Variants in NKAIN2 observed in about 807,000 individuals in gnomAD.
The protein encoded by NKAIN2 is sodium/potassium transporting ATPase interacting 2.
In NKAIN2, 14 loss-of-function variants were observed where a neutral mutation model predicts 32.6. The ratio of observed to expected loss-of-function variants is 0.43; its 90% CI spans 0.28 to 0.67. The LOEUF (loss-of-function observed/expected upper bound fraction) is 0.67, where lower values mean the gene tolerates loss of function less well. NKAIN2 is among the 30% of genes least tolerant of loss of function. The pLI is 0.17. For synonymous variants in NKAIN2, 80 were observed against 87.2 expected (o/e 0.92, Z 0.46); for missense variants, 198 against 258.3 (o/e 0.77, Z 1.60).
At chr6:123,988,565 A>C (rs1477580092) in intron 1 of NKAIN2, among the ~76,000 whole-genome samples, 1 of 152,184 alleles carries the variant, frequency 6.6e-6, no homozygotes, top group Non-Finnish European at 1.5e-5. Context: ...ACTACTCAGC[A>C]CTTGCTTCTG....
chr6:123,858,524 G>A (rs1775652773), intron 1 of NKAIN2, among the ~76,000 whole-genome samples: 1 of 152,128 alleles, frequency 6.6e-6, no homozygotes, highest in South Asian at 2.1e-4. Flanking sequence ...TACATTTAAG[G>A]GACAGGATAA....
chr6:123,940,302 TTGTGTGTG>T (rs75849088), intron 1 of NKAIN2, among the ~76,000 whole-genome samples: 1 of 149,572 alleles, frequency 6.7e-6, no homozygotes, highest in Non-Finnish European at 1.5e-5. Flanking sequence ...TGTGTTTGGT[TTGTGTGTG>T]TGTGTGTGTG....
intron 2 of NKAIN2, among the ~76,000 whole-genome samples, chr6:124,354,934 G>A (rs555684755): frequency 6.6e-6 from 1 of 151,294 alleles, no homozygotes; most frequent in African/African-American, 2.4e-5. Flanking sequence ...GCTGGGTGTG[G>A]TGGTGCGCAC....
chr6:124,809,423 T>C (rs1780767885), intron 5 of NKAIN2, among the ~76,000 whole-genome samples: 1 of 147,056 alleles, frequency 6.8e-6, no homozygotes, highest in Non-Finnish European at 1.5e-5. Context: ...GAAAACTGGC[T>C]AGCCATATGT....
intron 3 of NKAIN2, among the ~76,000 whole-genome samples, chr6:124,574,675 C>A (rs1054085789): frequency 6.6e-6 from 1 of 152,038 alleles, no homozygotes; most frequent in Non-Finnish European, 1.5e-5. Flanking sequence ...GTGAAAATGG[C>A]AAATCTATGG....
intron 3 of NKAIN2, among the ~76,000 whole-genome samples, chr6:124,436,520 C>T (rs1775451039): frequency 1.3e-5 from 2 of 152,092 alleles, no homozygotes; most frequent in South Asian, 2.1e-4. Flanking sequence ...TATATGAATG[C>T]TTTGAGAACA....
At chr6:123,861,672 A>G (rs1305855080) in intron 1 of NKAIN2, among the ~76,000 whole-genome samples, 1 of 152,206 alleles carries the variant, frequency 6.6e-6, no homozygotes, top group Non-Finnish European at 1.5e-5. Context: ...TCATGTAGTT[A>G]GATAATTCAT....
At chr6:124,137,649 C>T (rs886224120) in intron 1 of NKAIN2, among the ~76,000 whole-genome samples, 5 of 151,770 alleles carry the variant, frequency 3.3e-5, no homozygotes, top group African/African-American at 1.2e-4. Context: ...AGCATGTTAC[C>T]AATAAAAAGA....
intron 2 of NKAIN2, among the ~76,000 whole-genome samples, chr6:124,288,289 T>C (rs1795653308): frequency 6.6e-6 from 1 of 152,208 alleles, no homozygotes; most frequent in South Asian, 2.1e-4. Context: ...ACCACCACAG[T>C]GAACTGCCTC....
chr6:124,059,104 A>T (rs1407204467), intron 1 of NKAIN2, among the ~76,000 whole-genome samples: 1 of 152,070 alleles, frequency 6.6e-6, no homozygotes, highest in African/African-American at 2.4e-5. Context: ...TAAAAAAAAA[A>T]CTGACAAAGA....
chr6:124,027,154 T>C (rs1011593167), intron 1 of NKAIN2, among the ~76,000 whole-genome samples: 2 of 152,000 alleles, frequency 1.3e-5, no homozygotes, highest in African/African-American at 2.4e-5. Context: ...TTTTTTTTTT[T>C]TTAAGACAGA....
chr6:124,478,625 G>C (rs1777325848), intron 3 of NKAIN2, among the ~76,000 whole-genome samples: 1 of 152,170 alleles, frequency 6.6e-6, no homozygotes, highest in African/African-American at 2.4e-5. Context: ...AAATAGCATA[G>C]TATTAGATTA....
At chr6:123,910,580 T>G (rs113637450) in intron 1 of NKAIN2, among the ~76,000 whole-genome samples, 47 of 149,346 alleles carry the variant, frequency 3.1e-4, no homozygotes, top group African/African-American at 1.0e-3. Context: ...CTCAGCTCAT[T>G]GCAACCTCCG....
intron 1 of NKAIN2, among the ~76,000 whole-genome samples, chr6:123,921,959 G>T (rs193075500): frequency 1.3e-5 from 2 of 151,852 alleles, no homozygotes; most frequent in Admixed American, 6.6e-5. Context: ...TAATGTTGAT[G>T]AACTTTAGAG....
intron 3 of NKAIN2, among the ~76,000 whole-genome samples, chr6:124,570,197 G>C (rs1781074081): frequency 6.6e-6 from 1 of 152,136 alleles, no homozygotes; most frequent in South Asian, 2.1e-4. Context: ...GCTGTTAAAA[G>C]TATTCCATTT....
chr6:123,875,666 T>A (rs750077897), intron 1 of NKAIN2, among the ~76,000 whole-genome samples: 18 of 152,034 alleles, frequency 1.2e-4, no homozygotes, highest in African/African-American at 1.7e-4. Context: ...TATTTGCCTT[T>A]TCTTTTGTAG....
chr6:124,356,482 C>T (rs1798984280), intron 3 of NKAIN2, among the ~76,000 whole-genome samples: 1 of 152,106 alleles, frequency 6.6e-6, no homozygotes, highest in Non-Finnish European at 1.5e-5. Flanking sequence ...TGAGAGAGAA[C>T]CAAAACTTCT....
rs373170133 is a variant in NKAIN2, at chr6:124,397,911, T to A, written c.273+42564T>A. On this transcript the variant is annotated intron_variant, in intron 3 of 6. Transcript: ENST00000368417. ...GGCCTGAAGTGGACCTAAAGCCAGG[T>A]TCTCAGAGTTTATGGTGCTTAAAAA... Among the ~76,000 whole-genome samples the A allele has an allele frequency of 3.3e-5, 5 of 152,078 alleles. No individual in the cohort carries two copies. The East Asian group carries it at 7.8e-4, about 24-fold the overall frequency.
At chr6:123,884,273 G>T (rs1298521968) in intron 1 of NKAIN2, among the ~76,000 whole-genome samples, 3 of 152,240 alleles carry the variant, frequency 2.0e-5, no homozygotes, top group South Asian at 4.1e-4. Context: ...TCCGTGCAAA[G>T]AACATATTTC....
Sources: gnomAD v4.1 joint callset for allele counts (sites outside exome capture counted in the v4.1 genomes callset) on GRCh38, gnomAD v4.1.1 for gene constraint, MANE v1.5 for transcripts, NCBI Gene and HGNC (gene_info 2026-07-23, HGNC 2026-07-21) for gene names.